LIPA: variants seen among roughly 807,000 people sequenced by gnomAD.
The protein encoded by LIPA is lipase A, lysosomal acid type.
In LIPA, 26 loss-of-function variants were observed where a neutral mutation model predicts 40.6. The ratio of observed to expected loss-of-function variants is 0.64; its 90% CI spans 0.47 to 0.89. The LOEUF is 0.89. LIPA is among the 40% of genes least tolerant of loss of function. The pLI is 0.00. For missense variants in LIPA, 455 were observed against 479.6 expected (o/e 0.95, Z 0.48); for synonymous variants, 188 against 168.4 (o/e 1.12, Z -0.90).
intron 2 of LIPA, chr10:89,363,201 A>G (rs1564800026): frequency 4.0e-5 from 8 of 198,036 alleles, no homozygotes. Flanking sequence ...GAAACAGACA[A>G]AAAAAGCTAA....
At chr10:89,310,955 G>T (rs1175846432) in intron 1 of LIPA, among the ~76,000 whole-genome samples, 1 of 152,162 alleles carries the variant, frequency 6.6e-6, no homozygotes, top group Non-Finnish European at 1.5e-5. Flanking sequence ...AGTAAATTCT[G>T]CCCTGAACCT....
At chr10:89,402,283 C>A (rs138953644) in intron 2 of LIPA, 105 of 1,601,380 alleles carry the variant, frequency 6.6e-5, no homozygotes, top group Admixed American at 1.0e-4. Flanking sequence ...TTTTACAGTA[C>A]AAATGGTGAT....
intron 2 of LIPA, chr10:89,393,231 T>C (rs1433120694): frequency 2.3e-6 from 3 of 1,289,804 alleles, no homozygotes; most frequent in Admixed American, 2.3e-5. Context: ...CCTTCCTCCA[T>C]AGGCTTCTGG....
intron 6 of LIPA, 77 bp from the exon 7 acceptor site, chr10:89,223,907 G>A (rs1842734356): frequency 6.9e-7 from 1 of 1,446,722 alleles, no homozygotes; most frequent in African/African-American, 1.4e-5. Flanking sequence ...CACCTCAGAA[G>A]CAGAGACAAG....
chr10:89,365,543 G>A (rs1000498914), intron 2 of LIPA, among the ~76,000 whole-genome samples: 13 of 152,100 alleles, frequency 8.5e-5, no homozygotes, highest in Non-Finnish European at 1.9e-4. Context: ...TGTCCTGAAT[G>A]GTATTGCCTA....
intron 2 of LIPA, among the ~76,000 whole-genome samples, chr10:89,359,673 C>T (rs1844008902): frequency 6.6e-6 from 1 of 152,294 alleles, no homozygotes; most frequent in Admixed American, 6.5e-5. Flanking sequence ...AGGTGGGGTG[C>T]TCCTCCCAGA....
At chr10:89,404,747 G>T (rs1161217230) in intron 2 of LIPA, 1 of 152,240 alleles carries the variant, frequency 6.6e-6, no homozygotes. Context: ...CTGAACCCAG[G>T]AGTTCGAGAG....
At chr10:89,340,881 T>C (rs1843861332) in intron 1 of LIPA, 1 of 152,226 alleles carries the variant, frequency 6.6e-6, no homozygotes, top group Non-Finnish European at 1.5e-5. Flanking sequence ...CAGGCATGTA[T>C]TTATATGTAT....
intron 2 of LIPA, chr10:89,403,233 A>G: frequency 1.2e-6 from 2 of 1,614,250 alleles, no homozygotes; most frequent in Non-Finnish European, 8.5e-7. Flanking sequence ...AAAGCTAGAC[A>G]AAATGATAAG....
intron 1 of LIPA, among the ~76,000 whole-genome samples, chr10:89,282,589 G>A (rs1055430008): frequency 2.0e-5 from 3 of 152,004 alleles, no homozygotes; most frequent in Admixed American, 6.6e-5. Context: ...GCGGTGAGCC[G>A]AGATCGTGCC....
rs756195054 is a variant in LIPA at position 89,307,099 on chromosome 10, G to C, written c.-2+35512C>G. Reference sequence around the variant, plus strand: ...TCCATCTGCGGTATGGCAACTTTCAGCTGTACCAAATGAAGTGTGAAGACA... The same window carrying C: ...TCCATCTGCGGTATGGCAACTTTCACCTGTACCAAATGAAGTGTGAAGACA... On this transcript the variant is annotated intron_variant, in intron 1 of 5. Coordinates refer to the LIPA transcript ENST00000282673. 2.5e-6 allele frequency: 4 copies of C among 1,614,068 alleles called. No homozygotes were observed. In the South Asian group the frequency reaches 4.4e-5, roughly 18 times the overall value.
At chr10:89,284,259 A>C (rs1025933034) in intron 1 of LIPA, 2 of 152,304 alleles carry the variant, frequency 1.3e-5, no homozygotes, top group East Asian at 3.9e-4. Flanking sequence ...CTTAACAAGC[A>C]TGTGTGTTTC....
intron 1 of LIPA, chr10:89,338,989 G>C (rs773224626): frequency 2.1e-5 from 34 of 1,614,064 alleles, no homozygotes; most frequent in Non-Finnish European, 1.8e-5. Flanking sequence ...CAGACTCTCA[G>C]ATGCTCAGAT....
intron 1 of LIPA, chr10:89,340,151 T>A: frequency 6.4e-7 from 1 of 1,552,066 alleles, no homozygotes; most frequent in Non-Finnish European, 8.7e-7. Context: ...AAACAGAGCA[T>A]CAGAAGCCTG....
intron 1 of LIPA, chr10:89,307,838 C>G (rs4933504): frequency 0.63 from 98,757 of 157,694 alleles, 33,658 homozygotes; most frequent in East Asian, 0.93. Context: ...CAAAAGCTGG[C>G]GGACCAAAGT....
At chr10:89,411,689 C>T (rs936785735) in intron 2 of LIPA, among the ~76,000 whole-genome samples, 1 of 152,198 alleles carries the variant, frequency 6.6e-6, no homozygotes, top group Non-Finnish European at 1.5e-5. Flanking sequence ...TCCAAAATCG[C>T]CAAGGCCTAG....
intron 3 of LIPA, among the ~76,000 whole-genome samples, chr10:89,230,682 G>A (rs1256927537): frequency 6.6e-6 from 1 of 151,990 alleles, no homozygotes; most frequent in Non-Finnish European, 1.5e-5. Context: ...GACACCTTGG[G>A]GAAACATCTC....
intron 2 of LIPA, chr10:89,392,680 C>T: frequency 6.2e-7 from 1 of 1,613,712 alleles, no homozygotes; most frequent in Non-Finnish European, 8.5e-7. Context: ...CTAAGCAAAA[C>T]CCTGCAGAAC....
rs148713974 is a variant in LIPA, at chr10:89,225,143, G to C, written c.624C>G (p.Phe208Leu). Residue 208 changes from phenylalanine (F) to leucine (L), a missense_variant, in exon 6 of 10, where the codon TTC becomes TTG. Physicochemically the swap from Phe to Leu is conservative, Grantham distance 22. Transcript: ENST00000336233. ...CTAATTTGGCCATAGGGCTAGTACAGAAGGCGACGGAAGCCACAGGACCCA... is the reference window on the plus strand; with the variant it reads ...CTAATTTGGCCATAGGGCTAGTACACAAGGCGACGGAAGCCACAGGACCCA... ...FALGPVASVAFCTSPMAKLGR... is the reference protein window; with the variant it reads ...FALGPVASVALCTSPMAKLGR... 19 of 1,614,074 alleles carry C rather than the reference G, an allele frequency of 1.2e-5. No homozygotes were observed. The African/African-American group carries it at 2.3e-4, about 19-fold the overall frequency.
Sources: gnomAD v4.1 joint callset for allele counts (sites outside exome capture counted in the v4.1 genomes callset) on GRCh38, gnomAD v4.1.1 for gene constraint, MANE v1.5 for transcripts, NCBI Gene and HGNC (gene_info 2026-07-23, HGNC 2026-07-21) for gene names.